SPNS3: variants seen among roughly 807,000 people sequenced by gnomAD.
SPNS3 encodes the protein protein spinster homolog 3.
SPNS3 carries 51 observed loss-of-function variants against 54.4 expected under a neutral mutation model. The observed-to-expected ratio is 0.94, with a 90% CI of 0.75 to 1.18. SPNS3 has a LOEUF of 1.18. Ranked by LOEUF, SPNS3 falls within the 50% of genes most tolerant of loss-of-function variation. The pLI is 0.00. For synonymous variants in SPNS3, 309 were observed against 294.7 expected (o/e 1.05, Z -0.50); for missense variants, 669 against 677.4 (o/e 0.99, Z 0.14).
chr17:4,476,541 G>T (rs1354662799), intron 8 of SPNS3, among the ~76,000 whole-genome samples: 1 of 152,220 alleles, frequency 6.6e-6, no homozygotes, highest in African/African-American at 2.4e-5. Flanking sequence ...GCCAGGTGCA[G>T]GTGCCCGGAA....
chr17:4,446,940 G>T lies in SPNS3; in HGVS notation c.599G>T (p.Gly200Val). The change falls in exon 5 of 12, where the codon GGG (glycine) becomes GTG (valine). Residue 200 changes from glycine to valine, a missense_variant. Transcript: ENST00000355530. ...VLGSAVTMLT[G>V]NWRWALRVMP... ...GGGTCGGCTGTGACGATGCTGACTGGGAACTGGCGCTGGGCCCTCCGAGTG... is the reference window on the plus strand; with the variant it reads ...GGGTCGGCTGTGACGATGCTGACTGTGAACTGGCGCTGGGCCCTCCGAGTG... The T allele has an allele frequency of 6.2e-7, 1 of 1,614,184 alleles. No individual in the cohort carries two copies. The highest frequency in any genetic ancestry group is 8.5e-7 in the Non-Finnish European group (1 of 1,180,026).
intron 8 of SPNS3, among the ~76,000 whole-genome samples, chr17:4,455,309 A>G (rs963870717): frequency 6.6e-6 from 1 of 152,078 alleles, no homozygotes; most frequent in African/African-American, 2.4e-5. Flanking sequence ...CTACCCCAAC[A>G]TCCCTGACAT....
chr17:4,465,239 G>A lies in SPNS3; in HGVS notation c.1113+12034G>A, dbSNP rs573768288. Among the ~76,000 whole-genome samples the A allele has an allele frequency of 3.3e-5, 5 of 152,282 alleles. No individual in the cohort carries two copies. In the East Asian group the frequency reaches 5.8e-4, roughly 18 times the overall value. Reference sequence around the variant, plus strand: ...TGGTACACCTGTCTGTGGCCTCTCCGTGTGGTCTGTGCTTCCTCACAGCAT... The same window carrying A: ...TGGTACACCTGTCTGTGGCCTCTCCATGTGGTCTGTGCTTCCTCACAGCAT... On this transcript the variant is annotated intron_variant, in intron 8 of 11. Coordinates refer to ENST00000355530, the MANE Select transcript of SPNS3 (RefSeq NM_182538.5).
intron 1 of SPNS3, among the ~76,000 whole-genome samples, chr17:4,434,818 T>C (rs889938716): frequency 7.0e-6 from 1 of 142,172 alleles, no homozygotes; most frequent in African/African-American, 2.6e-5. Context: ...TTTTTTTTTT[T>C]TCTTGAGACA....
At chr17:4,444,887 T>G in intron 2 of SPNS3, 145 bp from the exon 3 acceptor site, 1 of 987,664 alleles carries the variant, frequency 1.0e-6, no homozygotes, top group Non-Finnish European at 1.5e-6. Context: ...GAGGTTCACC[T>G]TATCTTTTCT....
At chr17:4,436,919 T>G (rs1970731269) in intron 1 of SPNS3, among the ~76,000 whole-genome samples, 1 of 152,164 alleles carries the variant, frequency 6.6e-6, no homozygotes, top group Non-Finnish European at 1.5e-5. Context: ...AGTGTGGAGC[T>G]CTCTGAACCC....
chr17:4,461,365 T>TTTTTTC (rs1971500800), intron 8 of SPNS3, among the ~76,000 whole-genome samples: 1 of 110,266 alleles, frequency 9.1e-6, no homozygotes, highest in Non-Finnish European at 1.7e-5. Context: ...TCTTTTCTTT[T>TTTTTTC]TTTTTTTTTT....
In SPNS3 at chr17:4,486,465, C is replaced by T. The variant is rs1972318803; in HGVS notation, c.1332C>T (p.Arg444=). 1.9e-6 allele frequency: 3 copies of T among 1,613,138 alleles called. No individual in the cohort carries two copies. The highest frequency in any genetic ancestry group is 1.3e-5 in the African/African-American group (1 of 75,056). ...CTGACTCCTATCTGCAGCGCTTCCG[C>T]AGCCTGCAGCAGAGCTTCCTGTGCT... is the stretch of plus-strand genomic sequence containing the variant. The part of the protein sequence containing the change: ...RRPDSYLQRF[R]SLQQSFLCCA... Residue 444 remains arginine (R), a synonymous_variant, in exon 11 of 12, where the codon CGC becomes CGT. Transcript: ENST00000355530. The surrounding 1 kb of genome is among the most constrained non-coding windows in gnomAD (Gnocchi z 5.5).
At chr17:4,456,298 C>T (rs969748468) in intron 8 of SPNS3, among the ~76,000 whole-genome samples, 1 of 152,086 alleles carries the variant, frequency 6.6e-6, no homozygotes, top group South Asian at 2.1e-4. Context: ...ATGACTTCCA[C>T]GCAAGCAGTG....
intron 8 of SPNS3, among the ~76,000 whole-genome samples, chr17:4,458,343 C>T (rs1274303777): frequency 2.0e-5 from 3 of 149,644 alleles, no homozygotes; most frequent in Non-Finnish European, 4.5e-5. Flanking sequence ...CTCCCTCCCT[C>T]TCTCCCTTCC....
chr17:4,474,860 T>C (rs79843737), intron 8 of SPNS3, among the ~76,000 whole-genome samples: 13 of 12,562 alleles, frequency 1.0e-3, no homozygotes, highest in African/African-American at 5.1e-3. Context: ...TCGCCACACA[T>C]GTTTTGGTAT....
chr17:4,450,694 T>C (rs987557089), intron 7 of SPNS3, among the ~76,000 whole-genome samples: 4 of 151,852 alleles, frequency 2.6e-5, no homozygotes, highest in Admixed American at 6.6e-5. Context: ...CCTCCCAGGT[T>C]CAAGTGATTC....
intron 8 of SPNS3, among the ~76,000 whole-genome samples, chr17:4,471,612 T>C (rs142355740): frequency 0.056 from 8,521 of 151,992 alleles, 289 homozygotes; most frequent in Middle Eastern, 0.13. Flanking sequence ...ACCACAGGCA[T>C]GCACCACCAC....
intron 8 of SPNS3, among the ~76,000 whole-genome samples, chr17:4,464,386 A>T (rs1213304306): frequency 6.6e-6 from 1 of 152,192 alleles, no homozygotes. Context: ...CAGGGCCTCC[A>T]CTGTCACTGA....
At chr17:4,442,425 T>C (rs887530138) in intron 2 of SPNS3, among the ~76,000 whole-genome samples, 1 of 151,722 alleles carries the variant, frequency 6.6e-6, no homozygotes, top group Non-Finnish European at 1.5e-5. Flanking sequence ...CCCAGCTACT[T>C]GGGAGGCTGA....
intron 11 of SPNS3, 80 bp from the exon 12 acceptor site, chr17:4,487,726 C>G: frequency 7.9e-7 from 1 of 1,262,644 alleles, no homozygotes; most frequent in Non-Finnish European, 1.2e-6. Flanking sequence ...GATTTCCTGA[C>G]AGCCCGTGCC....
At chr17:4,487,040 C>T (rs1458067272) in intron 11 of SPNS3, among the ~76,000 whole-genome samples, 2 of 151,936 alleles carry the variant, frequency 1.3e-5, no homozygotes, top group Non-Finnish European at 2.9e-5. Context: ...GGTGCGGTGG[C>T]ACACACCTGT....
chr17:4,445,375 CTTTT>C (rs150794166), intron 3 of SPNS3, among the ~76,000 whole-genome samples: 34 of 142,158 alleles, frequency 2.4e-4, no homozygotes, highest in African/African-American at 6.9e-4. Flanking sequence ...AGCTGGTGGA[CTTTT>C]TTTTTTTTTT....
chr17:4,458,625 CT>C (rs1555530843), intron 8 of SPNS3, among the ~76,000 whole-genome samples: 3 of 126,668 alleles, frequency 2.4e-5, no homozygotes, highest in Non-Finnish European at 3.3e-5. Context: ...TTCTTTCTTT[CT>C]TTCTTTCTTT....
Sources: gnomAD v4.1 joint callset for allele counts (sites outside exome capture counted in the v4.1 genomes callset) on GRCh38, gnomAD v4.1.1 for gene constraint, Gnocchi (gnomAD v3.1) non-coding constraint, MANE v1.5 for transcripts, NCBI Gene and HGNC (gene_info 2026-07-23, HGNC 2026-07-21) for gene names.